FHOD3: variants seen among roughly 807,000 people sequenced by gnomAD.
The protein encoded by FHOD3 is formin homology 2 domain containing 3.
A neutral mutation model predicts 173.0 loss-of-function variants in FHOD3; 90 were observed. That is an observed-to-expected ratio of 0.52 (90% confidence interval 0.44 to 0.62). The LOEUF is 0.62. FHOD3 is among the 20% of genes least tolerant of loss of function. The pLI, the probability that FHOD3 is intolerant of heterozygous loss-of-function variation, is 0.00. For missense variants in FHOD3, 1,945 were observed against 2,034.7 expected, an observed-to-expected ratio of 0.96 and a Z score of 0.85; for synonymous variants, 828 against 823.0, an observed-to-expected ratio of 1.01 and a Z score of -0.10.
rs2037955408 is a variant in FHOD3 at position 36,677,702 on chromosome 18, A to G, written c.1836-3734A>G. On this transcript the variant is annotated intron_variant, in intron 14 of 28. Transcript: ENST00000590592. ...GTGGCCAGTGCTCTGCTTTGTTCTT[A>G]CTCAAAATTGTCTTGGTTATCCTTA... 2.0e-5 allele frequency among the ~76,000 whole-genome samples: 3 copies of G among 151,990 alleles called. No homozygotes were observed. The South Asian group carries it at 6.2e-4, about 32-fold the overall frequency.
At chr18:36,742,523 C>T (rs537280806) in intron 21 of FHOD3, among the ~76,000 whole-genome samples, 2 of 152,174 alleles carry the variant, frequency 1.3e-5, no homozygotes, top group African/African-American at 4.8e-5. Flanking sequence ...CCCTTGTCAC[C>T]CCAGCACAAG....
intron 20 of FHOD3, among the ~76,000 whole-genome samples, chr18:36,740,210 T>A (rs2041838893): frequency 6.6e-6 from 1 of 152,218 alleles, no homozygotes; most frequent in Admixed American, 6.5e-5. Context: ...TTAGTATTAC[T>A]TAAGGTACTA....
At chr18:36,717,178 T>C (rs1169501896) in intron 18 of FHOD3, among the ~76,000 whole-genome samples, 1 of 152,072 alleles carries the variant, frequency 6.6e-6, no homozygotes. Context: ...GCTTCATCTG[T>C]TAAGTCACTG....
At chr18:36,439,094 G>A (rs2050978729) in intron 3 of FHOD3, among the ~76,000 whole-genome samples, 1 of 151,784 alleles carries the variant, frequency 6.6e-6, no homozygotes, top group African/African-American at 2.4e-5. Flanking sequence ...ATGCTAAATG[G>A]GAAAAAAAAC....
intron 10 of FHOD3, among the ~76,000 whole-genome samples, chr18:36,646,600 C>G (rs1472250964): frequency 6.6e-6 from 1 of 152,126 alleles, no homozygotes; most frequent in Non-Finnish European, 1.5e-5. Flanking sequence ...AGAGAAGGCC[C>G]TTTACTAAAT....
At chr18:36,424,367 T>C (rs956574728) in intron 3 of FHOD3, among the ~76,000 whole-genome samples, 4 of 147,144 alleles carry the variant, frequency 2.7e-5, no homozygotes, top group South Asian at 2.1e-4. Flanking sequence ...TATTGTGAGA[T>C]TTTTTTTTTA....
chr18:36,619,866 A>T (rs1198907529), intron 9 of FHOD3, among the ~76,000 whole-genome samples: 1 of 152,234 alleles, frequency 6.6e-6, no homozygotes, highest in Non-Finnish European at 1.5e-5. Context: ...CTGATGAAAG[A>T]CAGTGAATGA....
rs140353400 is a variant in FHOD3, at chr18:36,764,704, G to A, written c.4624+3922G>A. ...ACAACATGGGGTCATCTTTGCTGGC[G>A]TATGAAAGGGATTAGAATGGGAGGC... On this transcript the variant is annotated intron_variant, in intron 27 of 28. Coordinates refer to ENST00000590592, the MANE Select transcript of FHOD3 (RefSeq NM_001281740.3). 1.3e-3 allele frequency among the ~76,000 whole-genome samples: 197 copies of A among 152,284 alleles called. 1 individual carries two copies. Among genetic ancestry groups the A allele is most frequent in the African/African-American group, 4.4e-3 (184 of 41,554 alleles).
intron 8 of FHOD3, among the ~76,000 whole-genome samples, chr18:36,606,698 G>A (rs1484175269): frequency 6.6e-6 from 1 of 152,106 alleles, no homozygotes; most frequent in African/African-American, 2.4e-5. Flanking sequence ...CTCAAGGCAC[G>A]ATTCATCCTG....
rs373782322 is a variant in FHOD3 at position 36,596,398 on chromosome 18, C to T, written c.718+1500C>T. 2.6e-3 allele frequency among the ~76,000 whole-genome samples: 368 copies of T among 140,348 alleles called. 3 individuals are homozygous for T. Among genetic ancestry groups the T allele is most frequent in the East Asian group, 0.011 (52 of 4,648 alleles). 92.1% of individuals were successfully genotyped at this position (140,348 alleles called of 152,430 possible). A position where few individuals can be genotyped will look rare whatever the true frequency, so the allele number is the denominator to read the frequency against. ...CAGGGTATCACCGTGTTAGCCAGCA[C>T]GGTCTCAGTCTCCTGACCTTGTGAT... On this transcript the variant is annotated intron_variant, in intron 7 of 28. Transcript: ENST00000590592.
At position 36,718,245 on chromosome 18, in the gene FHOD3, C is replaced by G; in HGVS notation, c.2947C>G (p.Leu983Val). 1 of 1,614,186 alleles carries G rather than the reference C, an allele frequency of 6.2e-7. No homozygotes were observed. Among genetic ancestry groups the G allele is most frequent in the Non-Finnish European group, 8.5e-7 (1 of 1,180,024 alleles). The change falls in exon 19 of 29, where the codon CTC (leucine) becomes GTC (valine). Residue 983 changes from leucine (L) to valine (V), a missense_variant. Leu to Val is a conservative substitution (Grantham distance 32, BLOSUM62 1). Transcript: ENST00000590592. ...KTESDYIWDQ[L>V]MANPRELRIQ... ...AGAGTCTGATTACATCTGGGACCAG[C>G]TCATGGCCAATCCAAGAGAGCTCAG...
At chr18:36,573,097 A>G (rs1321185879) in intron 5 of FHOD3, among the ~76,000 whole-genome samples, 4 of 151,920 alleles carry the variant, frequency 2.6e-5, no homozygotes, top group Non-Finnish European at 4.4e-5. Flanking sequence ...TAGTAAAAAA[A>G]TTCTAAAAAC....
chr18:36,580,321 T>C (rs79891927), intron 6 of FHOD3, among the ~76,000 whole-genome samples: 6,623 of 152,204 alleles, frequency 0.044, 367 homozygotes, highest in East Asian at 0.15. Context: ...ATTTCTGTCT[T>C]CATCTTTTAT....
intron 3 of FHOD3, among the ~76,000 whole-genome samples, chr18:36,436,638 A>T (rs1208145581): frequency 6.6e-6 from 1 of 152,236 alleles, no homozygotes; most frequent in East Asian, 1.9e-4. Flanking sequence ...TTATGAATTT[A>T]ATCAAGCATT....
intron 14 of FHOD3, among the ~76,000 whole-genome samples, chr18:36,666,319 G>GT (rs2037178510): frequency 6.6e-6 from 1 of 152,234 alleles, no homozygotes; most frequent in Admixed American, 6.5e-5. Flanking sequence ...AAAGCTGCCT[G>GT]TTTCTTGGAG....
At chr18:36,347,303 T>C (rs2045922703) in intron 1 of FHOD3, among the ~76,000 whole-genome samples, 1 of 152,246 alleles carries the variant, frequency 6.6e-6, no homozygotes, top group African/African-American at 2.4e-5. Flanking sequence ...CAAAATATTT[T>C]AAAATAATTC....
chr18:36,471,097 C>T (rs2053258934), intron 3 of FHOD3, among the ~76,000 whole-genome samples: 1 of 152,156 alleles, frequency 6.6e-6, no homozygotes. Flanking sequence ...GCAGCTGTGC[C>T]CTAAAACAAA....
At chr18:36,768,644 C>A (rs2043241771) in intron 27 of FHOD3, among the ~76,000 whole-genome samples, 1 of 152,072 alleles carries the variant, frequency 6.6e-6, no homozygotes, top group South Asian at 2.1e-4. Flanking sequence ...GATTTATGTA[C>A]CAGAGAAAAA....
intron 11 of FHOD3, among the ~76,000 whole-genome samples, chr18:36,651,880 AG>A (rs749525052): frequency 6.6e-6 from 1 of 152,218 alleles, no homozygotes; most frequent in Non-Finnish European, 1.5e-5. Flanking sequence ...GGAGGGACTG[AG>A]GTCAGGATTT....
Sources: gnomAD v4.1 joint callset for allele counts (sites outside exome capture counted in the v4.1 genomes callset) on GRCh38, gnomAD v4.1.1 for gene constraint, MANE v1.5 for transcripts, NCBI Gene and HGNC (gene_info 2026-07-23, HGNC 2026-07-21) for gene names.